The following CDKAL1 variants were observed in gnomAD, a reference collection of about 807,000 sequenced individuals.
CDKAL1 encodes CDKAL1 threonylcarbamoyladenosine tRNA methylthiotransferase, also known as threonylcarbamoyladenosine tRNA methylthiotransferase.
CDKAL1 carries 32 observed loss-of-function variants against 68.2 expected under a neutral mutation model. That is an observed-to-expected ratio of 0.47 (90% confidence interval 0.35 to 0.63). The LOEUF (loss-of-function observed/expected upper bound fraction) is 0.63, where lower values mean the gene tolerates loss of function less well. Among genes scored for constraint, CDKAL1 ranks in the 30% least tolerant of loss-of-function variants. The pLI is 0.00. For missense variants in CDKAL1, 606 were observed against 696.7 expected (o/e 0.87, Z 1.47); for synonymous variants, 234 against 244.3 (o/e 0.96, Z 0.39).
chr6:20,593,290 A>G (rs1211287056), intron 4 of CDKAL1, among the ~76,000 whole-genome samples: 1 of 152,080 alleles, frequency 6.6e-6, no homozygotes, highest in Admixed American at 6.5e-5. Flanking sequence ...CTGTGAATCC[A>G]TGTGGTCCTG....
At chr6:20,905,240 GAGAT>G (rs1228176951) in intron 9 of CDKAL1, among the ~76,000 whole-genome samples, 1 of 152,140 alleles carries the variant, frequency 6.6e-6, no homozygotes, top group East Asian at 1.9e-4. Context: ...TATTAAGAAA[GAGAT>G]AGACAACCTA....
intron 7 of CDKAL1, among the ~76,000 whole-genome samples, chr6:20,770,003 A>G (rs1774870116): frequency 6.6e-6 from 1 of 152,090 alleles, no homozygotes; most frequent in African/African-American, 2.4e-5. Flanking sequence ...ATCACTGCTC[A>G]CTTTTTTTCC....
intron 7 of CDKAL1, among the ~76,000 whole-genome samples, chr6:20,763,145 A>T (rs1774541872): frequency 6.6e-6 from 1 of 152,154 alleles, no homozygotes; most frequent in Non-Finnish European, 1.5e-5. Context: ...TCTTATGTCC[A>T]GTTGGATTTA....
intron 5 of CDKAL1, among the ~76,000 whole-genome samples, chr6:20,708,029 G>A (rs540302893): frequency 1.3e-5 from 2 of 152,250 alleles, no homozygotes; most frequent in Non-Finnish European, 2.9e-5. Context: ...TTGCAATTAC[G>A]TATTGTTCTG....
At chr6:20,924,811 T>C (rs942058965) in intron 9 of CDKAL1, among the ~76,000 whole-genome samples, 4 of 152,234 alleles carry the variant, frequency 2.6e-5, no homozygotes, top group African/African-American at 9.6e-5. Context: ...TCTAAGACCA[T>C]CGATGAAGGC....
intron 5 of CDKAL1, among the ~76,000 whole-genome samples, chr6:20,708,901 G>GT (rs1771723237): frequency 6.6e-6 from 1 of 151,738 alleles, no homozygotes; most frequent in Admixed American, 6.6e-5. Flanking sequence ...AAGTCTTATT[G>GT]TTTATGTCTA....
chr6:20,846,834 T>G (rs1778392983), intron 9 of CDKAL1, among the ~76,000 whole-genome samples: 2 of 152,248 alleles, frequency 1.3e-5, no homozygotes, highest in South Asian at 4.1e-4. Context: ...GACATATAAC[T>G]GCTCAAACCA....
At chr6:20,616,185 C>A (rs1581828825) in intron 4 of CDKAL1, among the ~76,000 whole-genome samples, 1 of 152,084 alleles carries the variant, frequency 6.6e-6, no homozygotes, top group Middle Eastern at 3.4e-3. Flanking sequence ...TTACTGTAGC[C>A]TTGTAGTATA....
intron 4 of CDKAL1, among the ~76,000 whole-genome samples, chr6:20,571,774 G>C (rs951836324): frequency 2.0e-5 from 3 of 151,814 alleles, no homozygotes; most frequent in Non-Finnish European, 2.9e-5. Context: ...CTTTGATGTT[G>C]AGTAATTTTA....
At chr6:20,555,858 G>A (rs549300473) in intron 4 of CDKAL1, among the ~76,000 whole-genome samples, 98 of 151,640 alleles carry the variant, frequency 6.5e-4, no homozygotes, top group African/African-American at 2.2e-3. Context: ...TCTTGACCTC[G>A]TGATCCGCCC....
Position 21,162,564 on chromosome 6 carries a change from T to G in CDKAL1, c.1300-35457T>G, listed in dbSNP as rs187766391. Among the ~76,000 whole-genome samples, 612 of 152,346 alleles carry G rather than the reference T, an allele frequency of 4.0e-3. 1 individual carries two copies. Among genetic ancestry groups the G allele is most frequent in the Middle Eastern group, 0.02 (6 of 294 alleles). Reference sequence around the variant, plus strand: ...ATTGAAAGTAAAAACAAAAGCCACCTGACTCAATCAGTCTCAGCATCACAT... The same window carrying G: ...ATTGAAAGTAAAAACAAAAGCCACCGGACTCAATCAGTCTCAGCATCACAT... On this transcript the variant is annotated intron_variant, in intron 13 of 15. Coordinates refer to ENST00000274695, the MANE Select transcript of CDKAL1 (RefSeq NM_017774.3).
At chr6:20,741,152 G>A (rs9688952) in intron 6 of CDKAL1, among the ~76,000 whole-genome samples, 58,028 of 151,764 alleles carry the variant, frequency 0.38, 11,832 homozygotes, top group East Asian at 0.68. Context: ...TTCTCCAGAT[G>A]CAGTGTAAGG....
At chr6:20,704,455 G>A (rs140350784) in intron 5 of CDKAL1, among the ~76,000 whole-genome samples, 1 of 151,882 alleles carries the variant, frequency 6.6e-6, no homozygotes, top group Non-Finnish European at 1.5e-5. Flanking sequence ...ATTCTAGACA[G>A]AGGAAACAGC....
At chr6:20,789,902 T>C (rs1183573678) in intron 8 of CDKAL1, among the ~76,000 whole-genome samples, 1 of 152,234 alleles carries the variant, frequency 6.6e-6, no homozygotes, top group Non-Finnish European at 1.5e-5. Context: ...TTCATATGTT[T>C]GTTCTTTAAG....
At chr6:20,879,295 C>T (rs1342083212) in intron 9 of CDKAL1, among the ~76,000 whole-genome samples, 1 of 152,128 alleles carries the variant, frequency 6.6e-6, no homozygotes, top group Non-Finnish European at 1.5e-5. Context: ...GAGGAAGAGG[C>T]AGTAAGAGTC....
At chr6:20,806,223 G>T (rs1295669540) in intron 8 of CDKAL1, among the ~76,000 whole-genome samples, 2 of 152,150 alleles carry the variant, frequency 1.3e-5, no homozygotes, top group African/African-American at 4.8e-5. Flanking sequence ...TCTTATTAGT[G>T]AGAACCTGTG....
intron 8 of CDKAL1, among the ~76,000 whole-genome samples, chr6:20,789,634 T>A (rs536049108): frequency 8.5e-5 from 13 of 152,226 alleles, no homozygotes; most frequent in Non-Finnish European, 1.3e-4. Flanking sequence ...AAAGTACATC[T>A]TGCTTATCCG....
At chr6:20,644,283 A>G (rs971877853) in intron 4 of CDKAL1, among the ~76,000 whole-genome samples, 2 of 151,986 alleles carry the variant, frequency 1.3e-5, no homozygotes, top group Non-Finnish European at 2.9e-5. Flanking sequence ...CTGATTGCCT[A>G]TTGTTTGTTG....
chr6:20,804,395 A>G (rs1252008251), intron 8 of CDKAL1, among the ~76,000 whole-genome samples: 1 of 152,252 alleles, frequency 6.6e-6, no homozygotes, highest in Non-Finnish European at 1.5e-5. Context: ...TTCAAGGATT[A>G]ACAAACTACA....
Sources: allele counts gnomAD v4.1 joint callset (sites outside exome capture counted in the v4.1 genomes callset), GRCh38; gene constraint gnomAD v4.1.1; transcripts MANE v1.5; gene names NCBI Gene and HGNC (gene_info 2026-07-23, HGNC 2026-07-21).